SDC2: variants seen among roughly 807,000 people sequenced by gnomAD.
The protein encoded by SDC2 is syndecan-2.
In SDC2, 13 loss-of-function variants were observed where a neutral mutation model predicts 22.2. The observed-to-expected ratio is 0.59, with a 90% CI of 0.38 to 0.93. The LOEUF (loss-of-function observed/expected upper bound fraction) is 0.93, where lower values mean the gene tolerates loss of function less well. Among genes scored for constraint, SDC2 ranks in the 40% least tolerant of loss-of-function variants. SDC2 has a pLI of 0.00. For synonymous variants in SDC2, 94 were observed against 92.8 expected (o/e 1.01, Z -0.07); for missense variants, 235 against 246.8 (o/e 0.95, Z 0.32).
At chr8:96,589,411 TTTG>T (rs869226379) in intron 1 of SDC2, among the ~76,000 whole-genome samples, 1 of 149,408 alleles carries the variant, frequency 6.7e-6, no homozygotes, top group South Asian at 2.1e-4. Flanking sequence ...TGTTTGTTTG[TTTG>T]TTGTTTGTTT....
At chr8:96,545,282 A>T (rs1813913569) in intron 1 of SDC2, among the ~76,000 whole-genome samples, 1 of 152,182 alleles carries the variant, frequency 6.6e-6, no homozygotes, top group South Asian at 2.1e-4. Flanking sequence ...GGTTTTTAAA[A>T]ATGTTTACAT....
intron 2 of SDC2, among the ~76,000 whole-genome samples, chr8:96,599,316 C>T (rs963301021): frequency 6.6e-6 from 1 of 152,104 alleles, no homozygotes; most frequent in African/African-American, 2.4e-5. Context: ...ACAGATTCAT[C>T]CCACTTCTAG....
intron 1 of SDC2, among the ~76,000 whole-genome samples, chr8:96,557,744 A>T (rs1016753030): frequency 6.6e-6 from 1 of 152,070 alleles, no homozygotes; most frequent in Admixed American, 6.5e-5. Flanking sequence ...CCTGCACAAT[A>T]TGCACATGGA....
At chr8:96,536,311 A>G (rs1048828370) in intron 1 of SDC2, among the ~76,000 whole-genome samples, 1 of 151,580 alleles carries the variant, frequency 6.6e-6, no homozygotes, top group Admixed American at 6.6e-5. Context: ...GTACCCTTTT[A>G]TTTTATTTTA....
At chr8:96,565,038 T>C (rs905407757) in intron 1 of SDC2, among the ~76,000 whole-genome samples, 8 of 149,454 alleles carry the variant, frequency 5.4e-5, no homozygotes, top group Non-Finnish European at 3.0e-5. Flanking sequence ...TTTAGGAAAA[T>C]TACAGTGTGG....
chr8:96,582,550 G>A (rs912083075), intron 1 of SDC2, among the ~76,000 whole-genome samples: 4 of 152,148 alleles, frequency 2.6e-5, no homozygotes, highest in Non-Finnish European at 5.9e-5. Context: ...CCCAGTATAA[G>A]GAACCAACTG....
chr8:96,507,946 G>A (rs895833731), intron 1 of SDC2, among the ~76,000 whole-genome samples: 1 of 151,940 alleles, frequency 6.6e-6, no homozygotes, highest in African/African-American at 2.4e-5. Flanking sequence ...GGTGGATCAC[G>A]AGGTCAGGAG....
Position 96,608,411 on chromosome 8 carries a change from C to G in SDC2, c.383C>G (p.Thr128Arg), listed in dbSNP as rs747925931. ...AAAATGGACCCAGCCGAAGAGGATA[C>G]AAATGTGTATACTGAGAAACACTCA... is the stretch of plus-strand genomic sequence containing the variant. ...ERKMDPAEED[T>R]NVYTEKHSDS... Residue 128 changes from threonine to arginine, a missense_variant, in exon 4 of 5, where the codon ACA (threonine) becomes AGA (arginine). Transcript: ENST00000302190. 5.0e-6 allele frequency: 8 copies of G among 1,613,936 alleles called. No homozygotes were observed. The highest frequency in any genetic ancestry group is 6.8e-6 in the Non-Finnish European group (8 of 1,179,846).
intron 1 of SDC2, among the ~76,000 whole-genome samples, chr8:96,496,469 G>A (rs1253533770): frequency 6.6e-6 from 1 of 152,230 alleles, no homozygotes; most frequent in Non-Finnish European, 1.5e-5. Flanking sequence ...TAGGCAGTGA[G>A]TCAGTCTTTC....
intron 1 of SDC2, among the ~76,000 whole-genome samples, chr8:96,513,149 A>G (rs1328107234): frequency 1.3e-5 from 2 of 152,230 alleles, no homozygotes; most frequent in Admixed American, 1.3e-4. Flanking sequence ...GTCTTACATG[A>G]TAGAAAAATA....
In SDC2 at chr8:96,582,307, C is replaced by T. The variant is rs11779240; in HGVS notation, c.61-11173C>T. Reference sequence around the variant, plus strand: ...CTTGGGCAGAATCAGGCTGTTTTCCCAGTAGATATCAGGAATATGAATAAT... The same window carrying T: ...CTTGGGCAGAATCAGGCTGTTTTCCTAGTAGATATCAGGAATATGAATAAT... On this transcript the variant is annotated intron_variant, in intron 1 of 4. Transcript: ENST00000302190. Among the ~76,000 whole-genome samples the T allele has an allele frequency of 5.1e-3, 766 of 151,494 alleles. 4 individuals carry two copies. The highest frequency in any genetic ancestry group is 8.9e-3 in the Non-Finnish European group (608 of 68,014).
chr8:96,526,507 A>G (rs1466097161), intron 1 of SDC2, among the ~76,000 whole-genome samples: 1 of 152,142 alleles, frequency 6.6e-6, no homozygotes, highest in Non-Finnish European at 1.5e-5. Flanking sequence ...ATGTCTGCCT[A>G]TTTTCAAGGA....
chr8:96,577,833 A>G (rs1253733333), intron 1 of SDC2, among the ~76,000 whole-genome samples: 1 of 152,202 alleles, frequency 6.6e-6, no homozygotes, highest in East Asian at 1.9e-4. Flanking sequence ...GGAATCATAC[A>G]GTATGGAGCC....
At chr8:96,494,677 G>A (rs922992708) in intron 1 of SDC2, among the ~76,000 whole-genome samples, 2 of 152,168 alleles carry the variant, frequency 1.3e-5, no homozygotes, top group African/African-American at 4.8e-5. Context: ...GGCAGGAGGG[G>A]GGAGCCTGGG....
At chr8:96,561,355 C>G (rs887615773) in intron 1 of SDC2, among the ~76,000 whole-genome samples, 4 of 152,172 alleles carry the variant, frequency 2.6e-5, no homozygotes, top group Middle Eastern at 3.2e-3. Context: ...GACATGAAGA[C>G]AGCTCTTGAA....
intron 1 of SDC2, among the ~76,000 whole-genome samples, chr8:96,544,795 A>G (rs1246507618): frequency 6.6e-6 from 1 of 152,206 alleles, no homozygotes; most frequent in East Asian, 1.9e-4. Flanking sequence ...GTGATTGTAG[A>G]TTTTTACAGC....
chr8:96,580,243 C>G (rs1814568336), intron 1 of SDC2: 1 of 256,332 alleles, frequency 3.9e-6, no homozygotes, highest in South Asian at 1.5e-4. Context: ...CAGCTGCAAT[C>G]ATTCAGCCGC....
intron 1 of SDC2, among the ~76,000 whole-genome samples, chr8:96,526,099 G>T (rs1813573451): frequency 1.0e-5 from 1 of 96,480 alleles, no homozygotes; most frequent in African/African-American, 5.4e-5. Flanking sequence ...GCCAGGCATG[G>T]TGCAGGGCCA....
chr8:96,529,155 A>T (rs1050294362), intron 1 of SDC2: 2 of 152,136 alleles, frequency 1.3e-5, no homozygotes, highest in African/African-American at 4.8e-5. Flanking sequence ...CTCTCAATGC[A>T]CTCTTAGATA....
Sources: gnomAD v4.1 joint callset for allele counts (sites outside exome capture counted in the v4.1 genomes callset) on GRCh38, gnomAD v4.1.1 for gene constraint, MANE v1.5 for transcripts, NCBI Gene and HGNC (gene_info 2026-07-23, HGNC 2026-07-21) for gene names.